PPARD: variants seen among roughly 807,000 people sequenced by gnomAD.
PPARD encodes the protein peroxisome proliferator activated receptor delta, also known as peroxisome proliferator-activated receptor delta.
Under a neutral mutation model 39.5 loss-of-function variants are expected in PPARD, and 6 were observed. The observed-to-expected ratio is 0.15, with a 90% CI of 0.08 to 0.30. The LOEUF is 0.30. PPARD is among the 10% of genes least tolerant of loss of function. The pLI, the probability that PPARD is intolerant of heterozygous loss-of-function variation, is 1.00. For synonymous variants in PPARD, 210 were observed against 231.3 expected (o/e 0.91, Z 0.83); for missense variants, 397 against 596.8 (o/e 0.67, Z 3.49).
At chr6:35,388,384 G>C (rs6940722) in intron 2 of PPARD, among the ~76,000 whole-genome samples, 4,243 of 152,186 alleles carry the variant, frequency 0.028, 165 homozygotes, top group African/African-American at 0.082. Context: ...GAGAGCTTCC[G>C]GGAAGGGGAT....
intron 4 of PPARD, among the ~76,000 whole-genome samples, chr6:35,420,575 G>A (rs1408702757): frequency 2.0e-5 from 3 of 152,222 alleles, no homozygotes; most frequent in Non-Finnish European, 4.4e-5. Flanking sequence ...GTCTTGGGCT[G>A]AGCCATCGTC....
intron 2 of PPARD, among the ~76,000 whole-genome samples, chr6:35,402,698 G>A (rs1764782741): frequency 6.6e-6 from 1 of 152,172 alleles, no homozygotes; most frequent in Non-Finnish European, 1.5e-5. Context: ...GCTGACTCTG[G>A]CCAGCTAGAA....
At chr6:35,385,569 C>A (rs375464767) in intron 2 of PPARD, among the ~76,000 whole-genome samples, 7,314 of 141,348 alleles carry the variant, frequency 0.052, 161 homozygotes, top group African/African-American at 0.15. Flanking sequence ...ACCTTCCCTC[C>A]ACTATTGTCC....
At chr6:35,361,662 C>T (rs867768282) in intron 2 of PPARD, among the ~76,000 whole-genome samples, 4 of 152,226 alleles carry the variant, frequency 2.6e-5, no homozygotes, top group Non-Finnish European at 4.4e-5. Context: ...CTGCCAGCCC[C>T]TGCCTGGGCC....
rs539298757 is a variant in PPARD, at chr6:35,412,103, A to G, written c.130+886A>G. 9.2e-5 allele frequency among the ~76,000 whole-genome samples: 14 copies of G among 151,830 alleles called. No homozygotes were observed. In the South Asian group the frequency reaches 2.9e-3, roughly 32 times the overall value. ...ACCACCACGCCCGGCTAATTTTTGTATTTTTTTAGTAAAGATGGGGTTTCA... is the reference window on the plus strand; with the variant it reads ...ACCACCACGCCCGGCTAATTTTTGTGTTTTTTTAGTAAAGATGGGGTTTCA... On this transcript the variant is annotated intron_variant, in intron 3 of 7. Transcript: ENST00000360694. The surrounding 1 kb of genome is among the most constrained non-coding windows in gnomAD (Gnocchi z 4.1).
At chr6:35,396,196 A>T (rs1764301838) in intron 2 of PPARD, among the ~76,000 whole-genome samples, 2 of 149,582 alleles carry the variant, frequency 1.3e-5, no homozygotes, top group African/African-American at 4.9e-5. Flanking sequence ...TAAGTATTTT[A>T]TTTCTTCTTC....
chr6:35,401,697 C>G lies in PPARD; in HGVS notation c.-101-9290C>G, dbSNP rs1292548341. On this transcript the variant is annotated intron_variant, in intron 2 of 7. Transcript: ENST00000360694. This position sits in a 1 kb window ranked among gnomAD's most constrained non-coding sequence, Gnocchi z 4.1. ...GTCTCCTGGCCACTCGCACCTGACT[C>G]ATGTGCTCTGAGTGCCACACCTTGC... Among the ~76,000 whole-genome samples, 3 of 152,246 alleles carry G rather than the reference C, an allele frequency of 2.0e-5. No homozygotes were observed. Among genetic ancestry groups the G allele is most frequent in the African/African-American group, 7.2e-5 (3 of 41,464 alleles).
chr6:35,402,213 C>A (rs1204018752), intron 2 of PPARD, among the ~76,000 whole-genome samples: 8 of 152,186 alleles, frequency 5.3e-5, no homozygotes, highest in African/African-American at 9.7e-5. Flanking sequence ...ACAGCTCCAC[C>A]CCTCAGAGAA....
Position 35,428,018 on chromosome 6 carries a change from G to C in PPARD, c.*1939G>C, listed in dbSNP as rs9794. 0.85 allele frequency: 129,463 copies of C among 152,648 alleles called. 55,060 individuals carry two copies. The highest frequency in any genetic ancestry group is 0.88 in the African/African-American group (36,374 of 41,544). 9.5% of individuals were successfully genotyped at this position (152,648 alleles called of 1,614,324 possible). A position where few individuals can be genotyped will look rare whatever the true frequency, so the allele number is the denominator to read the frequency against. Reference sequence around the variant, plus strand: ...CGGCCACATGCCGCGTCCCTGCCCCGACCCGGGTCTGGTGCTGAGGATACA... The same window carrying C: ...CGGCCACATGCCGCGTCCCTGCCCCCACCCGGGTCTGGTGCTGAGGATACA... On this transcript the variant is annotated 3_prime_UTR_variant, in exon 8 of 8. Transcript: ENST00000360694.
chr6:35,371,574 AC>A (rs144139408), intron 2 of PPARD, among the ~76,000 whole-genome samples: 4,300 of 152,156 alleles, frequency 0.028, 171 homozygotes, highest in African/African-American at 0.082. Flanking sequence ...CCGGAGCCTT[AC>A]TGACAGCTTT....
intron 2 of PPARD, among the ~76,000 whole-genome samples, chr6:35,382,005 T>A (rs567217419): frequency 2.0e-5 from 3 of 152,210 alleles, no homozygotes; most frequent in Admixed American, 2.0e-4. Flanking sequence ...CATTCTAGAG[T>A]TCGTCATGCA....
chr6:35,419,497 G>A (rs571851999), intron 3 of PPARD, among the ~76,000 whole-genome samples: 20 of 152,304 alleles, frequency 1.3e-4, no homozygotes, highest in African/African-American at 3.9e-4. Context: ...GAAATTCAGT[G>A]TGTTGCTTAA....
intron 2 of PPARD, among the ~76,000 whole-genome samples, chr6:35,398,796 T>C (rs1764504851): frequency 6.6e-6 from 1 of 152,156 alleles, no homozygotes; most frequent in African/African-American, 2.4e-5. Context: ...ATAAAGATCA[T>C]AAGTGTTACC....
At chr6:35,373,397 G>A (rs1029078054) in intron 2 of PPARD, among the ~76,000 whole-genome samples, 4 of 152,156 alleles carry the variant, frequency 2.6e-5, no homozygotes, top group Non-Finnish European at 4.4e-5. Flanking sequence ...GCTGTGGAGA[G>A]TGTTAAGTGC....
intron 3 of PPARD, among the ~76,000 whole-genome samples, chr6:35,419,517 C>G (rs913505421): frequency 1.3e-5 from 2 of 152,196 alleles, no homozygotes; most frequent in Admixed American, 6.5e-5. Context: ...ATCAATATGA[C>G]TGATACCTAA....
chr6:35,419,517 C>T (rs913505421), intron 3 of PPARD, among the ~76,000 whole-genome samples: 2 of 152,196 alleles, frequency 1.3e-5, no homozygotes, highest in Middle Eastern at 3.2e-3. Context: ...ATCAATATGA[C>T]TGATACCTAA....
intron 2 of PPARD, chr6:35,348,623 T>C (rs1761031356): frequency 3.0e-6 from 3 of 985,438 alleles, no homozygotes; most frequent in South Asian, 4.7e-5. Flanking sequence ...CTTCCCCTTC[T>C]CTGCCTTTAA....
chr6:35,382,653 G>T (rs1763216966), intron 2 of PPARD, among the ~76,000 whole-genome samples: 1 of 152,192 alleles, frequency 6.6e-6, no homozygotes, highest in Non-Finnish European at 1.5e-5. Flanking sequence ...CTGCTGCAGA[G>T]ATTTTCTAAA....
At chr6:35,417,688 C>T (rs1307315332) in intron 3 of PPARD, among the ~76,000 whole-genome samples, 3 of 152,072 alleles carry the variant, frequency 2.0e-5, no homozygotes, top group East Asian at 1.9e-4. Context: ...TGTGCCACCA[C>T]GCCCAGCTAA....
Sources: gnomAD v4.1 joint callset for allele counts (sites outside exome capture counted in the v4.1 genomes callset) on GRCh38, gnomAD v4.1.1 for gene constraint, Gnocchi (gnomAD v3.1) non-coding constraint, MANE v1.5 for transcripts, NCBI Gene and HGNC (gene_info 2026-07-23, HGNC 2026-07-21) for gene names.